KCNIP4: variants seen among roughly 807,000 people sequenced by gnomAD.
KCNIP4 encodes the protein Kv channel-interacting protein 4.
A neutral mutation model predicts 34.0 loss-of-function variants in KCNIP4; 12 were observed. The ratio of observed to expected loss-of-function variants is 0.35; its 90% CI spans 0.23 to 0.57. The LOEUF is 0.57. KCNIP4 is among the 20% of genes least tolerant of loss of function. The probability of loss-of-function intolerance (pLI) is 0.83; values close to 1 mark genes in which losing one functional copy is unlikely to be tolerated. For synonymous variants in KCNIP4, 124 were observed against 102.2 expected, an observed-to-expected ratio of 1.21 and a Z score of -1.29; for missense variants, 238 against 311.7, an observed-to-expected ratio of 0.76 and a Z score of 1.78.
chr4:20,756,624 T>C (rs1190788996), intron 4 of KCNIP4, among the ~76,000 whole-genome samples: 2 of 151,874 alleles, frequency 1.3e-5, no homozygotes, highest in African/African-American at 4.8e-5. Context: ...TTTCACCCTC[T>C]GCAATTTGGC....
At chr4:21,274,365 G>A (rs1279410604) in intron 1 of KCNIP4, among the ~76,000 whole-genome samples, 2 of 152,144 alleles carry the variant, frequency 1.3e-5, no homozygotes, top group African/African-American at 4.8e-5. Context: ...TTAAGAAAGA[G>A]CTTTAGAAAT....
chr4:20,999,143 G>A (rs373164006), intron 1 of KCNIP4, among the ~76,000 whole-genome samples: 168 of 152,264 alleles, frequency 1.1e-3, no homozygotes, highest in African/African-American at 3.9e-3. Flanking sequence ...TTAAGTATGA[G>A]CAGGGTCAGA....
At position 20,854,758 on chromosome 4, in the gene KCNIP4, C is replaced by T. The variant is rs373931719; in HGVS notation, c.164-4091G>A. Among the ~76,000 whole-genome samples the T allele has an allele frequency of 2.2e-4, 34 of 152,188 alleles. No homozygotes were observed. In the South Asian group the frequency reaches 3.3e-3, roughly 15 times the overall value. ...TAGGTGCTGACAAGGGTAAAGTAAC[C>T]AGCAGCCAGTTGGTTTCATGGGTAC... On this transcript the variant is annotated intron_variant, in intron 2 of 8. Coordinates refer to ENST00000382152, the MANE Select transcript of KCNIP4 (RefSeq NM_025221.6).
intron 1 of KCNIP4, among the ~76,000 whole-genome samples, chr4:21,460,113 T>C (rs34900760): frequency 0.12 from 16,094 of 136,964 alleles, 1,118 homozygotes; most frequent in South Asian, 0.19. Context: ...GCCCCCCATC[T>C]CTTGTGTTTT....
intron 1 of KCNIP4, among the ~76,000 whole-genome samples, chr4:21,011,307 T>C (rs916355151): frequency 3.9e-5 from 6 of 152,236 alleles, no homozygotes; most frequent in African/African-American, 9.6e-5. Flanking sequence ...CAAGATTTCA[T>C]ACAACTCTTG....
At chr4:20,957,124 G>A (rs1431217987) in intron 1 of KCNIP4, among the ~76,000 whole-genome samples, 1 of 152,038 alleles carries the variant, frequency 6.6e-6, no homozygotes, top group African/African-American at 2.4e-5. Flanking sequence ...AGACTTACTG[G>A]GGCTAAATAA....
At chr4:20,996,254 G>A (rs930266641) in intron 1 of KCNIP4, among the ~76,000 whole-genome samples, 7 of 152,176 alleles carry the variant, frequency 4.6e-5, no homozygotes, top group East Asian at 3.9e-4. Context: ...TGTTACTTTC[G>A]CTCTCACACC....
chr4:21,371,690 GAGATTGGTTCC>G (rs1216076795), intron 1 of KCNIP4, among the ~76,000 whole-genome samples: 2 of 147,206 alleles, frequency 1.4e-5, no homozygotes, highest in East Asian at 4.0e-4. Flanking sequence ...GAGGATGTAA[GAGATTGGTTCC>G]AGATGTATGG....
intron 1 of KCNIP4, among the ~76,000 whole-genome samples, chr4:21,026,097 A>G (rs1203852053): frequency 6.6e-6 from 1 of 152,162 alleles, no homozygotes; most frequent in East Asian, 1.9e-4. Flanking sequence ...ATAACCCATA[A>G]TGAGGCAACT....
chr4:21,516,568 A>G lies in KCNIP4; in HGVS notation c.61+432003T>C, dbSNP rs79429600. Among the ~76,000 whole-genome samples the G allele has an allele frequency of 2.5e-3, 384 of 152,290 alleles. 13 individuals carry two copies. The East Asian group carries it at 0.07, about 28-fold the overall frequency. ...AATATTTAGGGTACTTATAAAAAGG[A>G]AAGGCTTGCATCAGTTTCTTCTCCT... On this transcript the variant is annotated intron_variant, in intron 1 of 8. Transcript: ENST00000382152.
At chr4:21,397,116 AAAG>A (rs1482311775) in intron 1 of KCNIP4, among the ~76,000 whole-genome samples, 20 of 152,364 alleles carry the variant, frequency 1.3e-4, no homozygotes, top group African/African-American at 4.3e-4. Flanking sequence ...TAAAAAATAA[AAAG>A]AAGAATTAAG....
At chr4:21,902,431 T>C (rs1464297944) in intron 1 of KCNIP4, among the ~76,000 whole-genome samples, 1 of 152,072 alleles carries the variant, frequency 6.6e-6, no homozygotes, top group African/African-American at 2.4e-5. Flanking sequence ...TTCAAATTTG[T>C]TATAATATAA....
Position 21,905,156 on chromosome 4 carries a change from C to A in KCNIP4, c.61+43415G>T, listed in dbSNP as rs116469854. Among the ~76,000 whole-genome samples the A allele has an allele frequency of 7.5e-3, 1,147 of 152,198 alleles. 15 individuals are homozygous for A. Among genetic ancestry groups the A allele is most frequent in the African/African-American group, 0.026 (1,088 of 41,538 alleles). ...AATGATTAGATACAATTCTTTTGGGCAAATATTCATTTGGACCTTGGGTAT... is the reference window on the plus strand; with the variant it reads ...AATGATTAGATACAATTCTTTTGGGAAAATATTCATTTGGACCTTGGGTAT... On this transcript the variant is annotated intron_variant, in intron 1 of 8. Transcript: ENST00000382152.
chr4:21,615,747 A>G (rs1744551556), intron 1 of KCNIP4, among the ~76,000 whole-genome samples: 1 of 152,086 alleles, frequency 6.6e-6, no homozygotes, highest in African/African-American at 2.4e-5. Context: ...TGAGAAGGCA[A>G]AAGTCTAGGA....
chr4:21,673,878 C>A (rs933388835), intron 1 of KCNIP4, among the ~76,000 whole-genome samples: 2 of 152,136 alleles, frequency 1.3e-5, no homozygotes, highest in African/African-American at 4.8e-5. Context: ...GTCAGCGTTA[C>A]TGAAGAACTA....
At chr4:21,771,937 T>A (rs561010984) in intron 1 of KCNIP4, among the ~76,000 whole-genome samples, 1 of 152,286 alleles carries the variant, frequency 6.6e-6, no homozygotes, top group South Asian at 2.1e-4. Flanking sequence ...CTAATTGCCA[T>A]GGCCAGAACT....
intron 1 of KCNIP4, among the ~76,000 whole-genome samples, chr4:21,165,728 G>T (rs1476276020): frequency 6.6e-6 from 1 of 152,156 alleles, no homozygotes; most frequent in African/African-American, 2.4e-5. Flanking sequence ...TAAAGACACT[G>T]ACAGGAAAAT....
chr4:21,665,483 G>T (rs1004300462), intron 1 of KCNIP4, among the ~76,000 whole-genome samples: 1 of 150,410 alleles, frequency 6.6e-6, no homozygotes, highest in Non-Finnish European at 1.5e-5. Context: ...CTGAGGAATG[G>T]TTACTACTGT....
chr4:20,776,335 GTTAACC>G (rs1258406617), intron 3 of KCNIP4, among the ~76,000 whole-genome samples: 1 of 152,154 alleles, frequency 6.6e-6, no homozygotes, highest in East Asian at 1.9e-4. Flanking sequence ...TTTACCAGTT[GTTAACC>G]TTAATGCATC....
Sources: gnomAD v4.1 joint callset for allele counts (sites outside exome capture counted in the v4.1 genomes callset) on GRCh38, gnomAD v4.1.1 for gene constraint, MANE v1.5 for transcripts, NCBI Gene and HGNC (gene_info 2026-07-23, HGNC 2026-07-21) for gene names.